Variants in FAR1 observed in about 807,000 individuals in gnomAD.
The protein encoded by FAR1 is fatty acyl-CoA reductase 1, also known as male sterility domain-containing protein 2.
Under a neutral mutation model 61.1 loss-of-function variants are expected in FAR1, and 22 were observed. The observed-to-expected ratio is 0.36, with a 90% confidence interval of 0.26 to 0.51. FAR1 has a LOEUF of 0.51. FAR1 is among the 20% of genes least tolerant of loss of function. The pLI, the probability that FAR1 is intolerant of heterozygous loss-of-function variation, is 0.95. For missense variants in FAR1, 359 were observed against 626.9 expected (o/e 0.57, Z 4.56); for synonymous variants, 206 against 209.7 (o/e 0.98, Z 0.15).
rs780555760 is a variant in FAR1 at position 13,694,853 on chromosome 11, T to C, written c.88T>C (p.Leu30=). 7.4e-6 allele frequency: 12 copies of C among 1,613,936 alleles called. No homozygotes were observed. The African/African-American group carries it at 1.2e-4, about 16-fold the overall frequency. Reference sequence around the variant, plus strand: ...TCTAGGGAAGGTGCTTCTGGAAAAGTTGCTGAGGTCTTGTCCTAAGGTGAA... The same window carrying C: ...TCTAGGGAAGGTGCTTCTGGAAAAGCTGCTGAGGTCTTGTCCTAAGGTGAA... ...GFLGKVLLEK[L]LRSCPKVNSV... is the part of the protein sequence containing the mutation. The change falls in exon 2 of 12, where the codon TTG becomes CTG. Residue 30 remains leucine, a synonymous_variant. Coordinates refer to ENST00000354817, the MANE Select transcript of FAR1 (RefSeq NM_032228.6).
intron 1 of FAR1, among the ~76,000 whole-genome samples, chr11:13,673,472 C>G (rs183191684): frequency 6.6e-6 from 1 of 152,182 alleles, no homozygotes; most frequent in Non-Finnish European, 1.5e-5. Context: ...AGTGACAGAG[C>G]TGGGATTCAA....
intron 1 of FAR1, among the ~76,000 whole-genome samples, chr11:13,678,564 T>C (rs1848092304): frequency 6.6e-6 from 1 of 152,196 alleles, no homozygotes; most frequent in Non-Finnish European, 1.5e-5. Flanking sequence ...AGGTCATGCT[T>C]TCTAAATCAT....
At chr11:13,682,134 A>G (rs1452617525) in intron 1 of FAR1, among the ~76,000 whole-genome samples, 4 of 152,222 alleles carry the variant, frequency 2.6e-5, no homozygotes, top group East Asian at 1.9e-4. Context: ...AGCCTCTGGC[A>G]TATCTGTATT....
intron 1 of FAR1, among the ~76,000 whole-genome samples, chr11:13,684,612 G>T (rs1235695067): frequency 6.6e-6 from 1 of 152,152 alleles, no homozygotes; most frequent in Non-Finnish European, 1.5e-5. Context: ...TGCTAGACTT[G>T]GAGTCCCAGG....
intron 1 of FAR1, among the ~76,000 whole-genome samples, chr11:13,687,766 T>C (rs1591258373): frequency 6.6e-6 from 1 of 152,060 alleles, no homozygotes; most frequent in African/African-American, 2.4e-5. Flanking sequence ...TGGAATACTA[T>C]GCAGCCATAA....
intron 10 of FAR1, among the ~76,000 whole-genome samples, chr11:13,725,214 A>G (rs959930004): frequency 6.6e-6 from 1 of 152,196 alleles, no homozygotes; most frequent in Non-Finnish European, 1.5e-5. Context: ...AGGATAGCAT[A>G]GGGCATTCAT....
chr11:13,701,991 A>T (rs190675777), intron 3 of FAR1, among the ~76,000 whole-genome samples: 1 of 152,196 alleles, frequency 6.6e-6, no homozygotes, highest in African/African-American at 2.4e-5. Flanking sequence ...TTGAAGTAAC[A>T]TTTCTCAAAA....
rs1848681101 is a variant in FAR1, at chr11:13,727,663, A to G, written c.1365A>G (p.Ala455=). The part of the protein sequence containing the change: ...VLNEEMSGLP[A]ARKHLNKLRN... ...ATGAAGAAATGTCTGGCCTCCCTGCAGCCAGAAAACATCTGAACAAGTGAG... is the reference window on the plus strand; with the variant it reads ...ATGAAGAAATGTCTGGCCTCCCTGCGGCCAGAAAACATCTGAACAAGTGAG... Residue 455 remains alanine, a synonymous_variant, in exon 11 of 12, where the codon GCA becomes GCG. Transcript: ENST00000354817. 5 of 1,608,806 alleles carry G rather than the reference A, an allele frequency of 3.1e-6. No individual in the cohort carries two copies. Among genetic ancestry groups the G allele is most frequent in the South Asian group, 1.1e-5 (1 of 90,360 alleles).
chr11:13,721,801 T>C lies in FAR1; in HGVS notation c.1199T>C (p.Val400Ala). Residue 400 changes from valine to alanine, a missense_variant, in exon 10 of 12, where the codon GTT becomes GCT. Coordinates refer to ENST00000354817, the MANE Select transcript of FAR1 (RefSeq NM_032228.6). This position sits in a 1 kb window ranked among gnomAD's most constrained non-coding sequence, Gnocchi z 4.2. The part of the protein sequence containing the change: ...FLEYFTSNSW[V>A]WNTENVNMLM... ...GAATATTTCACAAGTAATTCTTGGG[T>C]TTGGAATACTGAGAATGTCAATATG... 1.2e-6 allele frequency: 2 copies of C among 1,610,924 alleles called. No homozygotes were observed. Among genetic ancestry groups the C allele is most frequent in the Non-Finnish European group, 1.7e-6 (2 of 1,178,480 alleles).
chr11:13,710,009 T>G (rs1194268516), intron 4 of FAR1, among the ~76,000 whole-genome samples: 1 of 152,128 alleles, frequency 6.6e-6, no homozygotes, highest in African/African-American at 2.4e-5. Context: ...GGAGGAATTT[T>G]TTTGACTTCA....
Position 13,686,952 on chromosome 11 carries a change from C to T in FAR1, c.-7-7807C>T, listed in dbSNP as rs114475325. Among the ~76,000 whole-genome samples, 209 of 152,246 alleles carry T rather than the reference C, an allele frequency of 1.4e-3. 1 individual carries two copies. The highest frequency in any genetic ancestry group is 4.6e-3 in the African/African-American group (193 of 41,556). ...AGGCTCTTTTGGCCCATGAGACCTG[C>T]GTGTTCTTTTGCAAATGAGGAAACA... On this transcript the variant is annotated intron_variant, in intron 1 of 11. Transcript: ENST00000354817.
intron 11 of FAR1, 75 bp downstream of exon 11, chr11:13,727,758 T>C: frequency 4.6e-6 from 6 of 1,317,716 alleles, no homozygotes; most frequent in Middle Eastern, 1.9e-4. Context: ...GGTAAACTGG[T>C]ATATTTGCTA....
intron 1 of FAR1, among the ~76,000 whole-genome samples, chr11:13,679,727 T>G (rs1848104703): frequency 6.6e-6 from 1 of 152,172 alleles, no homozygotes; most frequent in Non-Finnish European, 1.5e-5. Flanking sequence ...TTTTTAAAGG[T>G]GTCTTTATGT....
intron 1 of FAR1, among the ~76,000 whole-genome samples, chr11:13,674,304 G>A (rs1250251554): frequency 1.2e-4 from 17 of 143,068 alleles, no homozygotes; most frequent in Non-Finnish European, 1.7e-4. Context: ...GCAAGACTCC[G>A]TCTCAAAAAA....
chr11:13,695,581 G>A (rs555411028), intron 2 of FAR1, among the ~76,000 whole-genome samples: 3 of 152,200 alleles, frequency 2.0e-5, no homozygotes, highest in South Asian at 4.1e-4. Context: ...AAGTTGAATC[G>A]GAAGGCTATA....
At chr11:13,678,723 TC>T (rs1230613195) in intron 1 of FAR1, among the ~76,000 whole-genome samples, 7 of 85,966 alleles carry the variant, frequency 8.1e-5, no homozygotes, top group African/African-American at 2.3e-4. Flanking sequence ...ATTTAGTGGG[TC>T]TTTTTTTTGT....
intron 9 of FAR1, among the ~76,000 whole-genome samples, chr11:13,716,226 A>G (rs1848554338): frequency 6.6e-6 from 1 of 152,192 alleles, no homozygotes; most frequent in African/African-American, 2.4e-5. Flanking sequence ...AACAGGTTAA[A>G]TACATCACAT....
chr11:13,718,610 C>T (rs1848578159), intron 9 of FAR1, among the ~76,000 whole-genome samples: 2 of 152,208 alleles, frequency 1.3e-5, no homozygotes, highest in Admixed American at 1.3e-4. Context: ...AGCAGCCCCT[C>T]CCAGTGTTGA....
intron 11 of FAR1, among the ~76,000 whole-genome samples, chr11:13,727,901 G>A (rs771389123): frequency 6.6e-6 from 1 of 151,742 alleles, no homozygotes; most frequent in African/African-American, 2.4e-5. Context: ...AACTCTGTGC[G>A]ACTTTGCAGG....
Sources: gnomAD v4.1 joint callset for allele counts (sites outside exome capture counted in the v4.1 genomes callset) on GRCh38, gnomAD v4.1.1 for gene constraint, Gnocchi (gnomAD v3.1) non-coding constraint, MANE v1.5 for transcripts, NCBI Gene and HGNC (gene_info 2026-07-23, HGNC 2026-07-21) for gene names.